The following MAPT variants were observed in gnomAD, a reference collection of about 807,000 sequenced individuals.
The protein encoded by MAPT is microtubule associated protein tau, also known as microtubule-associated protein tau.
MAPT carries 34 observed loss-of-function variants against 67.9 expected under a neutral mutation model. The observed-to-expected ratio is 0.50, with a 90% CI of 0.38 to 0.67. MAPT has a LOEUF of 0.67. Ranked by LOEUF, MAPT falls within the 30% of genes least tolerant of loss-of-function variation. The pLI is 0.00. For synonymous variants in MAPT, 456 were observed against 464.5 expected (o/e 0.98, Z 0.23); for missense variants, 881 against 1,115.2 (o/e 0.79, Z 2.99).
intron 1 of MAPT, among the ~76,000 whole-genome samples, chr17:45,943,786 G>A (rs558870449): frequency 2.0e-5 from 3 of 152,138 alleles, no homozygotes; most frequent in Non-Finnish European, 4.4e-5. Flanking sequence ...CTGTCACATT[G>A]TGTGGGTTCC....
chr17:45,974,314 C>T (rs1333636220), intron 3 of MAPT: 11 of 1,129,888 alleles, frequency 9.7e-6, no homozygotes, highest in Admixed American at 9.6e-5. Flanking sequence ...TGCTCCTGCG[C>T]AAGAAGCAAA....
intron 5 of MAPT, among the ~76,000 whole-genome samples, chr17:45,985,965 G>T (rs559193815): frequency 6.6e-6 from 1 of 152,362 alleles, no homozygotes; most frequent in African/African-American, 2.4e-5. Flanking sequence ...TGTCCATGGG[G>T]TAGAGGGAAT....
At chr17:45,913,841 C>CG (rs762762266) in intron 1 of MAPT, among the ~76,000 whole-genome samples, 1 of 152,128 alleles carries the variant, frequency 6.6e-6, no homozygotes, top group Non-Finnish European at 1.5e-5. Context: ...CTGCCCTGGC[C>CG]GGGGGGTTCT....
chr17:45,946,010 C>G (rs1170688749), intron 1 of MAPT, among the ~76,000 whole-genome samples: 1 of 151,882 alleles, frequency 6.6e-6, no homozygotes, highest in African/African-American at 2.4e-5. Flanking sequence ...TTGTATTTGA[C>G]TTTTAAATAA....
rs1254183453 is a variant in MAPT, at chr17:45,906,223, TC to T, written c.-18+11539del. Among the ~76,000 whole-genome samples the T allele has an allele frequency of 6.6e-6, 1 of 152,174 alleles. No homozygotes were observed. Among genetic ancestry groups the T allele is most frequent in the East Asian group, 1.9e-4 (1 of 5,200 alleles). ...ACTTCTCTGGGGAAGGGCTGGGACTTCCTTCTGGGCTCAAGTCACGACCCTT... is the reference window on the plus strand; with the variant it reads ...ACTTCTCTGGGGAAGGGCTGGGACTTCTTCTGGGCTCAAGTCACGACCCTT... On this transcript the variant is annotated intron_variant, in intron 1 of 12. Coordinates refer to ENST00000262410, the MANE Select transcript of MAPT (RefSeq NM_001377265.1). This position sits in a 1 kb window ranked among gnomAD's most constrained non-coding sequence, Gnocchi z 4.3.
intron 2 of MAPT, among the ~76,000 whole-genome samples, chr17:45,967,584 G>A (rs188247126): frequency 6.6e-6 from 1 of 152,304 alleles, no homozygotes; most frequent in African/African-American, 2.4e-5. Context: ...TGCAGCCAGG[G>A]CCAGGTGTCC....
At chr17:45,973,174 G>A (rs181081594) in intron 3 of MAPT, 8 of 152,270 alleles carry the variant, frequency 5.3e-5, no homozygotes, top group East Asian at 3.9e-4. Flanking sequence ...TCAAGTGCCC[G>A]CCTCTTGCTT....
At chr17:45,943,995 C>T (rs1158866311) in intron 1 of MAPT, among the ~76,000 whole-genome samples, 1 of 152,166 alleles carries the variant, frequency 6.6e-6, no homozygotes, top group Non-Finnish European at 1.5e-5. Flanking sequence ...CTCCTACTGG[C>T]TCCTGCTTTT....
Position 45,995,404 on chromosome 17 carries a change from A to T in MAPT, c.1733-995A>T, listed in dbSNP as rs2074390012. On this transcript the variant is annotated intron_variant, in intron 8 of 12. Coordinates refer to ENST00000262410, the MANE Select transcript of MAPT (RefSeq NM_001377265.1). The surrounding 1 kb of genome is among the most constrained non-coding windows in gnomAD (Gnocchi z 4.3). Reference sequence around the variant, plus strand: ...TATCCACTCTTGAAGGGGATCGAGAAATTTGCATTTTGCAACTCCCACTTT... The same window carrying T: ...TATCCACTCTTGAAGGGGATCGAGATATTTGCATTTTGCAACTCCCACTTT... Among the ~76,000 whole-genome samples, 2 of 152,166 alleles carry T rather than the reference A, an allele frequency of 1.3e-5. No homozygotes were observed. Among genetic ancestry groups the T allele is most frequent in the South Asian group, 4.1e-4 (2 of 4,824 alleles).
chr17:45,983,733 A>G lies in MAPT; in HGVS notation c.1154A>G (p.Asn385Ser), dbSNP rs1464443761. The G allele has an allele frequency of 2.5e-6, 4 of 1,613,996 alleles. No homozygotes were observed. Among genetic ancestry groups the G allele is most frequent in the Non-Finnish European group, 3.4e-6 (4 of 1,180,026 alleles). The change falls in exon 5 of 13, where the codon AAC (asparagine) becomes AGC (serine). Residue 385 changes from asparagine to serine, a missense_variant. Physicochemically the swap from Asn to Ser is conservative, Grantham distance 46. Transcript: ENST00000262410. ...EFTFHVEITP[N>S]VQKEQAHSEE... ...ACGTTTCACGTGGAAATCACACCCAACGTGCAGAAGGAGCAGGCGCACTCG... is the reference window on the plus strand; with the variant it reads ...ACGTTTCACGTGGAAATCACACCCAGCGTGCAGAAGGAGCAGGCGCACTCG...
intron 1 of MAPT, among the ~76,000 whole-genome samples, chr17:45,905,661 G>A (rs2064256353): frequency 6.6e-6 from 1 of 152,118 alleles, no homozygotes; most frequent in African/African-American, 2.4e-5. Context: ...GGCTGCTTAG[G>A]GTTGCCAAGC....
chr17:45,904,206 ATATAT>A (rs1303004865), intron 1 of MAPT, among the ~76,000 whole-genome samples: 8 of 39,138 alleles, frequency 2.0e-4, no homozygotes, highest in South Asian at 5.7e-4. Context: ...TATATATCTA[ATATAT>A]TATATATATT....
intron 1 of MAPT, chr17:45,895,727 G>A (rs1001236280): frequency 6.6e-6 from 1 of 152,316 alleles, no homozygotes; most frequent in Non-Finnish European, 1.5e-5. Flanking sequence ...GGGAGGATAG[G>A]CTGTGCCTCC....
At position 46,028,228 on chromosome 17, in the gene MAPT, TTCTG is replaced by T. The variant is rs1053932775; in HGVS notation, c.*4063_*4066del. The T allele has an allele frequency of 6.6e-5, 10 of 152,428 alleles. No individual in the cohort carries two copies. The highest frequency in any genetic ancestry group is 2.2e-4 in the African/African-American group (9 of 41,516). 9.4% of individuals were successfully genotyped at this position (152,428 alleles called of 1,614,324 possible). A position where few individuals can be genotyped will look rare whatever the true frequency, so the allele number is the denominator to read the frequency against. On this transcript the variant is annotated 3_prime_UTR_variant, in exon 13 of 13. Coordinates refer to ENST00000262410, the MANE Select transcript of MAPT (RefSeq NM_001377265.1). ...GACATGAAATCATCTTAGCTTAGCT[TTCTG>T]TCTGTGAATGTCTATATAGTGTATT...
chr17:45,976,442 A>C (rs1206691106), intron 3 of MAPT: 1 of 152,280 alleles, frequency 6.6e-6, no homozygotes, highest in Non-Finnish European at 1.5e-5. Flanking sequence ...AGATCCCTTT[A>C]CATCCTCCAT....
intron 1 of MAPT, among the ~76,000 whole-genome samples, chr17:45,926,969 ATATATGTG>A (rs1329293817): frequency 8.0e-5 from 12 of 150,880 alleles, no homozygotes; most frequent in Admixed American, 6.0e-4. Flanking sequence ...ATATATATAC[ATATATGTG>A]TATATATATA....
Position 45,986,891 on chromosome 17 carries a change from T to C in MAPT, c.1352-149T>C. ...ACTAACAATGCGAGGCCTAGCAGAT[T>C]CAAGGGAAAAGAGAACCAACTGGGT... On this transcript the variant is annotated intron_variant, in intron 5 of 12. Transcript: ENST00000262410. 3 of 683,598 alleles carry C rather than the reference T, an allele frequency of 4.4e-6. No homozygotes were observed. In the South Asian group the frequency reaches 4.8e-5, roughly 11 times the overall value. The allele number at this position is 683,598 out of a possible 1,614,324, so 42.3% of individuals were successfully genotyped here. A position where few individuals can be genotyped will look rare whatever the true frequency, so the allele number is the denominator to read the frequency against.
At chr17:46,019,297 CA>C in intron 12 of MAPT, among the ~76,000 whole-genome samples, 1 of 147,518 alleles carries the variant, frequency 6.8e-6, no homozygotes, top group South Asian at 2.2e-4. Context: ...CCCCATGATT[CA>C]GTTACCTCCC....
Position 45,974,787 on chromosome 17 carries a change from G to A in MAPT, c.220+2842G>A, listed in dbSNP as rs146750424. 4.7e-4 allele frequency: 186 copies of A among 394,762 alleles called. 1 individual carries two copies. Among genetic ancestry groups the A allele is most frequent in the African/African-American group, 3.2e-3 (158 of 48,926 alleles). 24.5% of individuals were successfully genotyped at this position (394,762 alleles called of 1,614,324 possible). A position where few individuals can be genotyped will look rare whatever the true frequency, so the allele number is the denominator to read the frequency against. The stretch of plus-strand genomic sequence containing the variant: ...TTCTGGGGCAGGTGGTGGCAGACCC[G>A]TGCCTTCTTGACACCTGAGGTCAGT... On this transcript the variant is annotated intron_variant, in intron 3 of 12. Coordinates refer to ENST00000262410, the MANE Select transcript of MAPT (RefSeq NM_001377265.1).
Sources: allele counts gnomAD v4.1 joint callset (sites outside exome capture counted in the v4.1 genomes callset), GRCh38; gene constraint gnomAD v4.1.1; non-coding constraint Gnocchi (gnomAD v3.1); transcripts MANE v1.5; gene names NCBI Gene and HGNC (gene_info 2026-07-23, HGNC 2026-07-21).